PHF21A: variants seen among roughly 807,000 people sequenced by gnomAD.
PHF21A encodes BHC80a.
PHF21A carries 11 observed loss-of-function variants against 82.5 expected under a neutral mutation model. That is an observed-to-expected ratio of 0.13 (90% CI 0.08 to 0.22). The LOEUF (loss-of-function observed/expected upper bound fraction) is 0.22, where lower values mean the gene tolerates loss of function less well. PHF21A is among the 10% of genes least tolerant of loss of function. The pLI is 1.00. For synonymous variants in PHF21A, 297 were observed against 302.8 expected, an observed-to-expected ratio of 0.98 and a Z score of 0.20; for missense variants, 579 against 837.8, an observed-to-expected ratio of 0.69 and a Z score of 3.81.
intron 6 of PHF21A, among the ~76,000 whole-genome samples, chr11:46,015,840 C>T (rs745624063): frequency 9.9e-5 from 15 of 152,080 alleles, no homozygotes; most frequent in Admixed American, 3.9e-4. Flanking sequence ...GTAACAATGC[C>T]TTCGTCTGAA....
intron 10 of PHF21A, among the ~76,000 whole-genome samples, chr11:45,959,980 C>G (rs142973301): frequency 1.3e-4 from 20 of 152,304 alleles, no homozygotes; most frequent in African/African-American, 4.8e-4. Flanking sequence ...CACATCAACA[C>G]TACTTTGCAC....
At chr11:45,990,068 G>T (rs1345870975) in intron 6 of PHF21A, among the ~76,000 whole-genome samples, 1 of 152,014 alleles carries the variant, frequency 6.6e-6, no homozygotes, top group Non-Finnish European at 1.5e-5. Context: ...TTTCACAGGT[G>T]ATGAAAATTA....
intron 10 of PHF21A, among the ~76,000 whole-genome samples, chr11:45,958,882 C>T (rs780675818): frequency 2.0e-5 from 3 of 152,150 alleles, no homozygotes; most frequent in Non-Finnish European, 4.4e-5. Flanking sequence ...TGTACCACTA[C>T]ACTCCAGTCT....
At chr11:45,984,474 C>T (rs376740465) in intron 6 of PHF21A, among the ~76,000 whole-genome samples, 4 of 152,180 alleles carry the variant, frequency 2.6e-5, no homozygotes, top group Non-Finnish European at 4.4e-5. Context: ...CAGGTAGTCA[C>T]GGTGATCAAT....
At chr11:46,042,210 G>A (rs2096159894) in intron 6 of PHF21A, among the ~76,000 whole-genome samples, 1 of 152,148 alleles carries the variant, frequency 6.6e-6, no homozygotes, top group South Asian at 2.1e-4. Context: ...CTTGGGGCCT[G>A]TGGGAAAGCC....
chr11:45,965,392 T>A lies in PHF21A; in HGVS notation c.919A>T (p.Ile307Phe), dbSNP rs2093370396. 6 of 1,614,008 alleles carry A rather than the reference T, an allele frequency of 3.7e-6. No individual in the cohort carries two copies. The highest frequency in any genetic ancestry group is 4.2e-6 in the Non-Finnish European group (5 of 1,180,038). The change falls in exon 10 of 19, where the codon ATT becomes TTT. Residue 307 changes from isoleucine to phenylalanine, a missense_variant. Transcript: ENST00000676320. Reference protein sequence around the residue: ...KTFPMAQLTSIVIATPGTRLA... With the variant: ...KTFPMAQLTSFVIATPGTRLA... ...CTGGTCCCTGGAGTAGCTATCACAA[T>A]GCTGGTGAGCTGGGCCATGGGGAAC...
At chr11:46,065,943 C>T (rs1234097321) in intron 6 of PHF21A, among the ~76,000 whole-genome samples, 1 of 152,208 alleles carries the variant, frequency 6.6e-6, no homozygotes, top group Non-Finnish European at 1.5e-5. Context: ...CTGACTATGC[C>T]ATGAGATGTT....
At chr11:46,005,432 CT>C (rs1169916719) in intron 6 of PHF21A, among the ~76,000 whole-genome samples, 5 of 152,108 alleles carry the variant, frequency 3.3e-5, no homozygotes, top group Non-Finnish European at 1.5e-5. Flanking sequence ...TAGGCAGTTG[CT>C]TTTTCTGGTT....
intron 1 of PHF21A, chr11:46,119,937 C>A (rs1447246119): frequency 1.4e-5 from 2 of 146,438 alleles, no homozygotes; most frequent in Non-Finnish European, 3.0e-5. Context: ...TCGGAGCGGC[C>A]TGTCCGCCCC....
intron 10 of PHF21A, among the ~76,000 whole-genome samples, chr11:45,960,528 C>T (rs1056974429): frequency 2.6e-5 from 4 of 152,088 alleles, no homozygotes; most frequent in Non-Finnish European, 4.4e-5. Flanking sequence ...TGATTGCCAG[C>T]GGCAGAGGGC....
chr11:46,093,519 A>G (rs1482390131), intron 1 of PHF21A, among the ~76,000 whole-genome samples: 2 of 152,220 alleles, frequency 1.3e-5, no homozygotes, highest in African/African-American at 4.8e-5. Flanking sequence ...TAAAGTTCTC[A>G]GGCCCATGCA....
intron 6 of PHF21A, among the ~76,000 whole-genome samples, chr11:46,003,992 T>C (rs528791025): frequency 6.6e-5 from 10 of 152,320 alleles, no homozygotes; most frequent in Non-Finnish European, 1.3e-4. Context: ...CTTCAATATA[T>C]TAAGTTTCAG....
chr11:46,101,926 C>T (rs1220875099), intron 1 of PHF21A, among the ~76,000 whole-genome samples: 2 of 151,452 alleles, frequency 1.3e-5, no homozygotes, highest in Non-Finnish European at 2.9e-5. Context: ...GGCGCAATCT[C>T]GGCTCACTAC....
intron 6 of PHF21A, among the ~76,000 whole-genome samples, chr11:45,999,738 A>G (rs540131121): frequency 1.4e-4 from 22 of 152,368 alleles, no homozygotes; most frequent in African/African-American, 4.8e-4. Context: ...TTTAGTGATG[A>G]CAAAGCACAG....
At chr11:45,959,938 G>C (rs2092970506) in intron 10 of PHF21A, among the ~76,000 whole-genome samples, 1 of 152,178 alleles carries the variant, frequency 6.6e-6, no homozygotes, top group South Asian at 2.1e-4. Flanking sequence ...CACATGAAAA[G>C]ATGCTCAGCA....
chr11:45,969,918 A>C lies in PHF21A; in HGVS notation c.613-14T>G, dbSNP rs762185994. 1 of 1,560,104 alleles carries C rather than the reference A, an allele frequency of 6.4e-7. No individual in the cohort carries two copies. On this transcript the variant is annotated splice_polypyrimidine_tract_variant and intron_variant, in intron 8 of 18. Coordinates refer to ENST00000676320, the MANE Select transcript of PHF21A (RefSeq NM_001352027.3). Reference sequence around the variant, plus strand: ...TGCCTGAACCTGCTAAAAAATGAGGAAGATAAATAAACCAGAGAGAACAAT... The same window carrying C: ...TGCCTGAACCTGCTAAAAAATGAGGCAGATAAATAAACCAGAGAGAACAAT...
chr11:46,074,008 C>T (rs1465034135), intron 6 of PHF21A, among the ~76,000 whole-genome samples: 1 of 151,898 alleles, frequency 6.6e-6, no homozygotes, highest in East Asian at 1.9e-4. Flanking sequence ...CATACGATTA[C>T]ATAGTTTTAA....
At chr11:45,946,356 T>C (rs555221892) in intron 14 of PHF21A, among the ~76,000 whole-genome samples, 2 of 152,294 alleles carry the variant, frequency 1.3e-5, no homozygotes, top group East Asian at 3.9e-4. Context: ...CAAAGCCCAG[T>C]GGGAGCCAGG....
intron 1 of PHF21A, among the ~76,000 whole-genome samples, chr11:46,112,000 T>C (rs1015701227): frequency 2.6e-5 from 4 of 152,232 alleles, no homozygotes; most frequent in African/African-American, 9.6e-5. Context: ...CTAGTTTGGA[T>C]ATTCTAACAG....
Sources: allele counts gnomAD v4.1 joint callset (sites outside exome capture counted in the v4.1 genomes callset), GRCh38; gene constraint gnomAD v4.1.1; transcripts MANE v1.5; gene names NCBI Gene and HGNC (gene_info 2026-07-23, HGNC 2026-07-21).